The following LINGO2 variants were observed in gnomAD, a reference collection of about 807,000 sequenced individuals.
The protein encoded by LINGO2 is leucine-rich repeat and immunoglobulin-like domain-containing nogo receptor-interacting protein 2.
A neutral mutation model predicts 30.6 loss-of-function variants in LINGO2; 14 were observed. That is an observed-to-expected ratio of 0.46 (90% CI 0.30 to 0.72). The LOEUF is 0.72. Ranked by LOEUF, LINGO2 falls within the 30% of genes least tolerant of loss-of-function variation. The pLI is 0.07. For synonymous variants in LINGO2, 317 were observed against 288.5 expected (o/e 1.10, Z -1.00); for missense variants, 729 against 751.7 (o/e 0.97, Z 0.35).
At chr9:28,572,088 G>A (rs7855874) in intron 1 of LINGO2, among the ~76,000 whole-genome samples, 106,760 of 151,846 alleles carry the variant, frequency 0.7, 37,796 homozygotes, top group East Asian at 0.9. Flanking sequence ...TATAAACTCT[G>A]TTCTTGGCAT....
intron 1 of LINGO2, among the ~76,000 whole-genome samples, chr9:28,537,978 C>T (rs1053467281): frequency 3.6e-4 from 54 of 151,594 alleles, no homozygotes; most frequent in Admixed American, 3.3e-3. Flanking sequence ...TAATGACTGC[C>T]GGATTGACAG....
At chr9:28,859,742 T>C in the LINGO2 span, among the ~76,000 whole-genome samples, 6 of 152,128 alleles carry the variant, frequency 3.9e-5, no homozygotes, top group Admixed American at 3.9e-4. Context: ...AAATCAATTT[T>C]TAAAAATTAT....
chr9:28,052,418 TG>T (rs769918178), intron 4 of LINGO2, among the ~76,000 whole-genome samples: 2 of 152,038 alleles, frequency 1.3e-5, no homozygotes, highest in African/African-American at 4.8e-5. Flanking sequence ...GTGGGGAATT[TG>T]GGGGGTTCCA....
At chr9:28,132,844 G>C (rs1827414865) in intron 4 of LINGO2, among the ~76,000 whole-genome samples, 3 of 152,178 alleles carry the variant, frequency 2.0e-5, no homozygotes, top group Admixed American at 1.3e-4. Context: ...TGACCTGTTT[G>C]CTTTCAGTGG....
chr9:28,226,566 C>T (rs910466233), intron 4 of LINGO2, among the ~76,000 whole-genome samples: 32 of 135,602 alleles, frequency 2.4e-4, no homozygotes, highest in African/African-American at 2.5e-4. Flanking sequence ...GAGGAAGGGT[C>T]GGAAGAAAAA....
At chr9:28,588,224 C>T (rs1361254976) in intron 1 of LINGO2, among the ~76,000 whole-genome samples, 1 of 151,948 alleles carries the variant, frequency 6.6e-6, no homozygotes, top group African/African-American at 2.4e-5. Flanking sequence ...AACCTCCCAC[C>T]TATGTGGAAG....
Position 28,370,139 on chromosome 9 carries a change from G to T in LINGO2, c.-246+2697C>A, listed in dbSNP as rs117689936. ...TTTTCTTATTCCTAATCTTTCTTCT[G>T]TATTTAAAAACTGAGTCTACTTATT... On this transcript the variant is annotated intron_variant, in intron 3 of 5. Transcript: ENST00000379992. Among the ~76,000 whole-genome samples, 838 of 152,202 alleles carry T rather than the reference G, an allele frequency of 5.5e-3. 4 individuals are homozygous for T. Among genetic ancestry groups the T allele is most frequent in the East Asian group, 0.012 (64 of 5,176 alleles).
intron 3 of LINGO2, among the ~76,000 whole-genome samples, chr9:28,347,478 G>A (rs1819635326): frequency 6.6e-6 from 1 of 151,896 alleles, no homozygotes; most frequent in African/African-American, 2.4e-5. Flanking sequence ...GATAAAAGAA[G>A]TTGTCAATAC....
At chr9:28,276,441 C>G (rs1359996213) in intron 4 of LINGO2, among the ~76,000 whole-genome samples, 2 of 152,086 alleles carry the variant, frequency 1.3e-5, no homozygotes, top group African/African-American at 4.8e-5. Flanking sequence ...CCTCATTTTC[C>G]TAGAAATATC....
chr9:28,002,919 G>T (rs983125046), intron 5 of LINGO2, among the ~76,000 whole-genome samples: 2 of 152,150 alleles, frequency 1.3e-5, no homozygotes, highest in African/African-American at 4.8e-5. Context: ...GTGTATGTGT[G>T]AGTGTGCCCT....
At chr9:28,078,549 G>T (rs1220925216) in intron 4 of LINGO2, among the ~76,000 whole-genome samples, 3 of 148,402 alleles carry the variant, frequency 2.0e-5, no homozygotes, top group Admixed American at 6.6e-5. Context: ...GCTTTATTTT[G>T]GGTTAAGATC....
At chr9:28,119,214 C>A (rs1827022515) in intron 4 of LINGO2, among the ~76,000 whole-genome samples, 1 of 152,214 alleles carries the variant, frequency 6.6e-6, no homozygotes, top group South Asian at 2.1e-4. Context: ...ACCAGCAAAC[C>A]CAATAACCTT....
chr9:29,210,857 A>G, the LINGO2 span, among the ~76,000 whole-genome samples: 2 of 152,210 alleles, frequency 1.3e-5, no homozygotes, highest in African/African-American at 4.8e-5. Flanking sequence ...TTGAACAGGA[A>G]GTACATTTTT....
the LINGO2 span, among the ~76,000 whole-genome samples, chr9:28,902,768 C>A: frequency 6.6e-6 from 1 of 151,912 alleles, no homozygotes; most frequent in Non-Finnish European, 1.5e-5. Context: ...AATTAAACCT[C>A]ATTCTGAACA....
At chr9:28,616,205 G>C (rs1826124497) in intron 1 of LINGO2, among the ~76,000 whole-genome samples, 1 of 152,110 alleles carries the variant, frequency 6.6e-6, no homozygotes. Flanking sequence ...TTTTTGTTCA[G>C]CTGGTCAAAA....
At chr9:28,650,663 C>T (rs1198136288) in intron 1 of LINGO2, among the ~76,000 whole-genome samples, 1 of 152,150 alleles carries the variant, frequency 6.6e-6, no homozygotes, top group Non-Finnish European at 1.5e-5. Context: ...TTTCCTCTTC[C>T]CTGGCTGTTT....
At chr9:28,636,992 A>T (rs570457262) in intron 1 of LINGO2, among the ~76,000 whole-genome samples, 11 of 152,010 alleles carry the variant, frequency 7.2e-5, no homozygotes, top group Non-Finnish European at 1.2e-4. Context: ...TTGAATTAAT[A>T]TTTGTATAAG....
At chr9:28,934,079 T>C in the LINGO2 span, among the ~76,000 whole-genome samples, 1 of 152,306 alleles carries the variant, frequency 6.6e-6, no homozygotes, top group South Asian at 2.1e-4. Flanking sequence ...TCCTGGCCAA[T>C]GTAACGACTG....
chr9:28,390,379 G>A (rs1449143293), intron 2 of LINGO2, among the ~76,000 whole-genome samples: 2 of 152,058 alleles, frequency 1.3e-5, no homozygotes, highest in East Asian at 1.9e-4. Context: ...TGTTAACTCC[G>A]AAGCCATGTA....
Sources: gnomAD v4.1 joint callset for allele counts (sites outside exome capture counted in the v4.1 genomes callset) on GRCh38, gnomAD v4.1.1 for gene constraint, MANE v1.5 for transcripts, NCBI Gene and HGNC (gene_info 2026-07-23, HGNC 2026-07-21) for gene names.